Variants in PLPPR1 observed in about 807,000 individuals in gnomAD.
The protein encoded by PLPPR1 is phospholipid phosphatase-related protein type 1.
In PLPPR1, 10 loss-of-function variants were observed where a neutral mutation model predicts 33.1. The ratio of observed to expected loss-of-function variants is 0.30; its 90% CI spans 0.19 to 0.51. The LOEUF is 0.51. Ranked by LOEUF, PLPPR1 falls within the 20% of genes least tolerant of loss-of-function variation. The pLI is 0.97. For synonymous variants in PLPPR1, 151 were observed against 151.0 expected, an observed-to-expected ratio of 1.00 and a Z score of 0.00; for missense variants, 304 against 408.1, an observed-to-expected ratio of 0.74 and a Z score of 2.20.
At chr9:101,230,583 C>T (rs985597015) in intron 2 of PLPPR1, among the ~76,000 whole-genome samples, 4 of 152,108 alleles carry the variant, frequency 2.6e-5, no homozygotes, top group African/African-American at 7.2e-5. Flanking sequence ...TTTTCTAGCA[C>T]TATCTATGAC....
intron 2 of PLPPR1, among the ~76,000 whole-genome samples, chr9:101,194,897 A>G (rs150753194): frequency 1.1e-3 from 163 of 152,314 alleles, no homozygotes; most frequent in African/African-American, 3.8e-3. Context: ...CCCAGGCTAA[A>G]TATTCTAAAT....
chr9:101,092,563 T>G (rs953601650), intron 1 of PLPPR1, among the ~76,000 whole-genome samples: 2 of 152,154 alleles, frequency 1.3e-5, no homozygotes, highest in Non-Finnish European at 2.9e-5. Context: ...CTGTGCCCCA[T>G]GCACACTGGC....
At chr9:101,291,604 A>G (rs1205507387) in intron 4 of PLPPR1, among the ~76,000 whole-genome samples, 1 of 152,186 alleles carries the variant, frequency 6.6e-6, no homozygotes, top group East Asian at 1.9e-4. Flanking sequence ...TTCCAGAGGA[A>G]TGATCAGACA....
At chr9:101,322,512 G>A (rs1829175817) in intron 7 of PLPPR1, 1 of 152,072 alleles carries the variant, frequency 6.6e-6, no homozygotes, top group Admixed American at 6.5e-5. Flanking sequence ...TCTGATTGTG[G>A]CAGCCAAGAT....
At chr9:101,158,166 A>T (rs988676203) in intron 1 of PLPPR1, among the ~76,000 whole-genome samples, 1 of 152,254 alleles carries the variant, frequency 6.6e-6, no homozygotes, top group South Asian at 2.1e-4. Context: ...TAGTAAAAAA[A>T]GCTTCAATAG....
intron 1 of PLPPR1, among the ~76,000 whole-genome samples, chr9:101,056,309 A>G (rs1013343973): frequency 1.3e-5 from 2 of 152,206 alleles, no homozygotes; most frequent in South Asian, 4.1e-4. Context: ...AAGTTATTTG[A>G]TGACATTCAC....
intron 2 of PLPPR1, among the ~76,000 whole-genome samples, chr9:101,239,377 G>A (rs868503516): frequency 1.3e-5 from 2 of 151,714 alleles, no homozygotes; most frequent in African/African-American, 4.8e-5. Flanking sequence ...AGGTGGGAGA[G>A]AGGGAGGTAA....
At chr9:101,033,566 C>T (rs1829972192) in intron 1 of PLPPR1, among the ~76,000 whole-genome samples, 1 of 152,032 alleles carries the variant, frequency 6.6e-6, no homozygotes, top group African/African-American at 2.4e-5. Context: ...AAATAAGCCC[C>T]AGGAAAGAGC....
chr9:101,241,064 T>A (rs1169530092), intron 2 of PLPPR1, among the ~76,000 whole-genome samples: 1 of 152,150 alleles, frequency 6.6e-6, no homozygotes, highest in African/African-American at 2.4e-5. Flanking sequence ...TCAAAGTTGC[T>A]TTTTGCTATT....
intron 3 of PLPPR1, among the ~76,000 whole-genome samples, chr9:101,275,704 C>T (rs1178231103): frequency 6.6e-6 from 1 of 152,152 alleles, no homozygotes; most frequent in Non-Finnish European, 1.5e-5. Context: ...CTCATTTTAT[C>T]TCAGCCCCAG....
At chr9:101,123,111 A>G (rs986941278) in intron 1 of PLPPR1, among the ~76,000 whole-genome samples, 1 of 152,194 alleles carries the variant, frequency 6.6e-6, no homozygotes, top group Non-Finnish European at 1.5e-5. Context: ...CCATATCAAT[A>G]TATCTCTATA....
intron 1 of PLPPR1, among the ~76,000 whole-genome samples, chr9:101,108,508 ACT>A (rs1831008105): frequency 6.6e-6 from 1 of 152,148 alleles, no homozygotes; most frequent in Admixed American, 6.5e-5. Context: ...CCACTTTGAG[ACT>A]CTTTGTGAAG....
At chr9:101,081,017 T>C (rs1564139181) in intron 1 of PLPPR1, among the ~76,000 whole-genome samples, 2 of 152,138 alleles carry the variant, frequency 1.3e-5, no homozygotes, top group Non-Finnish European at 2.9e-5. Context: ...TTCTTGCCTT[T>C]TCCTGCTGCT....
At chr9:101,169,647 G>T (rs1825910532) in intron 1 of PLPPR1, among the ~76,000 whole-genome samples, 1 of 151,538 alleles carries the variant, frequency 6.6e-6, no homozygotes, top group South Asian at 2.1e-4. Flanking sequence ...TACTTTTTTA[G>T]ATGAACTCAG....
intron 1 of PLPPR1, among the ~76,000 whole-genome samples, chr9:101,069,625 C>G: frequency 6.6e-6 from 1 of 152,080 alleles, no homozygotes; most frequent in East Asian, 1.9e-4. Context: ...TTTGACTGAT[C>G]TGGGTGGAGT....
intron 1 of PLPPR1, among the ~76,000 whole-genome samples, chr9:101,108,100 AC>A (rs1220239928): frequency 4.8e-5 from 7 of 146,238 alleles, no homozygotes; most frequent in African/African-American, 1.9e-4. Context: ...TGCAGAAATC[AC>A]CCGTCTTCTG....
At chr9:101,321,143 G>A (rs1202378807) in intron 7 of PLPPR1, among the ~76,000 whole-genome samples, 1 of 152,192 alleles carries the variant, frequency 6.6e-6, no homozygotes, top group African/African-American at 2.4e-5. Flanking sequence ...CCCAGCATGT[G>A]GACCTTTTCA....
chr9:101,031,564 G>T (rs1442592315), intron 1 of PLPPR1, among the ~76,000 whole-genome samples: 1 of 152,152 alleles, frequency 6.6e-6, no homozygotes, highest in Non-Finnish European at 1.5e-5. Context: ...TTACATGCTG[G>T]AGGCTGGGGA....
chr9:101,135,870 A>G (rs1190624849), intron 1 of PLPPR1, among the ~76,000 whole-genome samples: 2 of 152,156 alleles, frequency 1.3e-5, no homozygotes, highest in Admixed American at 1.3e-4. Context: ...CTCTCAATGA[A>G]GAAAGGAGCA....
Sources: allele counts gnomAD v4.1 joint callset (sites outside exome capture counted in the v4.1 genomes callset), GRCh38; gene constraint gnomAD v4.1.1; transcripts MANE v1.5; gene names NCBI Gene and HGNC (gene_info 2026-07-23, HGNC 2026-07-21).